Variants in EFCAB8 observed in about 807,000 individuals in gnomAD.
The protein encoded by EFCAB8 is EF-hand calcium binding domain 8, also known as EF-hand calcium-binding domain-containing protein 8.
A neutral mutation model predicts 116.3 loss-of-function variants in EFCAB8; 100 were observed. The observed-to-expected ratio is 0.86, with a 90% CI of 0.73 to 1.02. EFCAB8 has a LOEUF of 1.02. EFCAB8 is among the 50% of genes least tolerant of loss of function. The pLI is 0.00. For missense variants in EFCAB8, 1,320 were observed against 1,416.9 expected (o/e 0.93, Z 1.10); for synonymous variants, 558 against 567.9 (o/e 0.98, Z 0.25).
At chr20:32,865,304 C>T (rs1467445418) in intron 2 of EFCAB8, among the ~76,000 whole-genome samples, 1 of 82,480 alleles carries the variant, frequency 1.2e-5, no homozygotes, top group Non-Finnish European at 2.6e-5. Context: ...ATGGGTTGGA[C>T]TGTGTATGGG....
At chr20:32,870,595 C>T (rs1984636166) in intron 3 of EFCAB8, among the ~76,000 whole-genome samples, 1 of 151,940 alleles carries the variant, frequency 6.6e-6, no homozygotes, top group African/African-American at 2.4e-5. Flanking sequence ...AACTCCTGGG[C>T]TCAAGTGATC....
At chr20:32,928,186 A>G (rs914518218) in intron 20 of EFCAB8, among the ~76,000 whole-genome samples, 3 of 151,822 alleles carry the variant, frequency 2.0e-5, no homozygotes, top group African/African-American at 7.3e-5. Context: ...TTATTTTTGT[A>G]ATTTCCTTTT....
In EFCAB8 at chr20:32,911,622, C is replaced by G. The variant is rs1986926714; in HGVS notation, c.1700C>G (p.Thr567Arg). ...GATGAGTCAGAGCGGTGCCTGCTCACAGGTTTGCGGGATGGCACAATGAAG... is the reference window on the plus strand; with the variant it reads ...GATGAGTCAGAGCGGTGCCTGCTCAGAGGTTTGCGGGATGGCACAATGAAG... ...ALDESERCLL[T>R]GLRDGTMKMW... is the part of the protein sequence containing the mutation. Residue 567 changes from threonine to arginine, a missense_variant, in exon 16 of 27, where the codon ACA becomes AGA. Transcript: ENST00000400522. The G allele has an allele frequency of 6.4e-7, 1 of 1,551,702 alleles. No individual in the cohort carries two copies. The highest frequency in any genetic ancestry group is 1.2e-5 in the South Asian group (1 of 84,052).
In EFCAB8 at chr20:32,909,749, T is replaced by C. The variant is rs553046048; in HGVS notation, c.1447-72T>C. The C allele has an allele frequency of 6.5e-6, 5 of 770,070 alleles. No homozygotes were observed. In the African/African-American group the frequency reaches 7.3e-5, roughly 11 times the overall value. The allele number at this position is 770,070 out of a possible 1,614,324, so 47.7% of individuals were successfully genotyped here. On this transcript the variant is annotated intron_variant, in intron 14 of 26. Coordinates refer to ENST00000400522, the MANE Select transcript of EFCAB8 (RefSeq NM_001143967.2). ...TGATGTCGTGATTTATTGGAAGTTT[T>C]TCCCGGCAGCCCATCACTGTGAGCA...
At chr20:32,954,292 A>T (rs1168849041) in intron 23 of EFCAB8, among the ~76,000 whole-genome samples, 1 of 151,930 alleles carries the variant, frequency 6.6e-6, no homozygotes, top group Non-Finnish European at 1.5e-5. Flanking sequence ...ATTCATTTTG[A>T]GTTCATTTTT....
chr20:32,862,347 C>CA (rs1183018352), intron 1 of EFCAB8, among the ~76,000 whole-genome samples: 1 of 151,810 alleles, frequency 6.6e-6, no homozygotes, highest in East Asian at 1.9e-4. Flanking sequence ...AGGCTGGTCT[C>CA]AAACTCCTGG....
chr20:32,877,444 G>A (rs1168365192), intron 4 of EFCAB8, among the ~76,000 whole-genome samples: 1 of 151,946 alleles, frequency 6.6e-6, no homozygotes, highest in South Asian at 2.1e-4. Flanking sequence ...CCTGACCTCA[G>A]GTAATCCACC....
rs1413620008 is a variant in EFCAB8, at chr20:32,877,168, TTTC to T, written c.327+1132_327+1134del. Among the ~76,000 whole-genome samples the T allele has an allele frequency of 4.6e-5, 7 of 151,820 alleles. 1 individual carries two copies. In the South Asian group the frequency reaches 8.3e-4, roughly 18 times the overall value. On this transcript the variant is annotated intron_variant, in intron 4 of 26. Transcript: ENST00000400522. ...CTCAGCATAGGTATACATTCTGGGT[TTTC>T]TTCTTCTCAATTTTCTTGTTTTTAT...
chr20:32,920,027 G>A, intron 19 of EFCAB8, 51 bp from the exon 20 acceptor site: 1 of 1,551,140 alleles, frequency 6.4e-7, no homozygotes. Context: ...GGTCCCCTAT[G>A]GGGAAGGGAA....
At chr20:32,893,124 A>G (rs1240989859) in intron 8 of EFCAB8, 50 bp from the exon 9 acceptor site, 37 of 1,548,698 alleles carry the variant, frequency 2.4e-5, no homozygotes, top group Non-Finnish European at 3.1e-5. Flanking sequence ...TACAGGTGTG[A>G]GCCACCGCGC....
intron 17 of EFCAB8, among the ~76,000 whole-genome samples, chr20:32,913,551 T>C (rs771571300): frequency 6.6e-6 from 1 of 152,186 alleles, no homozygotes; most frequent in Non-Finnish European, 1.5e-5. Context: ...ATATATTCAT[T>C]TCATCCCAAT....
chr20:32,873,900 GCTT>G (rs1420506355), intron 3 of EFCAB8, among the ~76,000 whole-genome samples: 3 of 151,360 alleles, frequency 2.0e-5, no homozygotes, highest in African/African-American at 7.3e-5. Flanking sequence ...TTGTTCTGCT[GCTT>G]CTTTTCTTCG....
At chr20:32,935,006 A>G (rs1988048004) in intron 22 of EFCAB8, among the ~76,000 whole-genome samples, 4 of 151,976 alleles carry the variant, frequency 2.6e-5, no homozygotes, top group African/African-American at 9.7e-5. Context: ...CTTTTTGATA[A>G]CATCTAATCT....
Position 32,940,028 on chromosome 20 carries a change from CCTTCCTTCCTTCCTTCCTT to C in EFCAB8, c.2791-3606_2791-3588del, listed in dbSNP as rs1568942547. ...GCCTCCCTCCCTCCCTCCCTCCCTTCCTTCCTTCCTTCCTTCCTTCCTTCCTTCCTTCCTTCCTTCCTTC... is the reference window on the plus strand; with the variant it reads ...GCCTCCCTCCCTCCCTCCCTCCCTTCCCTTCCTTCCTTCCTTCCTTCCTTC... On this transcript the variant is annotated intron_variant, in intron 22 of 26. Transcript: ENST00000400522. Among the ~76,000 whole-genome samples, 15 of 62,702 alleles carry C rather than the reference CCTTCCTTCCTTCCTTCCTT, an allele frequency of 2.4e-4. 2 individuals carry two copies. The highest frequency in any genetic ancestry group is 7.4e-4 in the East Asian group (2 of 2,686). The allele number at this position is 62,702 out of a possible 152,430, so 41.1% of individuals were successfully genotyped here.
At chr20:32,910,031 A>G (rs1190649551) in intron 15 of EFCAB8, 100 bp downstream of exon 15, 1 of 525,250 alleles carries the variant, frequency 1.9e-6, no homozygotes, top group African/African-American at 2.0e-5. Context: ...GTCAGCTCCC[A>G]TGGCACATTG....
chr20:32,861,919 C>G (rs1984134313), intron 1 of EFCAB8, among the ~76,000 whole-genome samples: 1 of 151,626 alleles, frequency 6.6e-6, no homozygotes, highest in Non-Finnish European at 1.5e-5. Flanking sequence ...CAGAAATGAA[C>G]TTAACATTTT....
At chr20:32,890,347 G>T (rs886901300) in intron 7 of EFCAB8, among the ~76,000 whole-genome samples, 2 of 152,152 alleles carry the variant, frequency 1.3e-5, no homozygotes, top group Non-Finnish European at 2.9e-5. Flanking sequence ...ACTTCCTCCA[G>T]GAAGCCCTCC....
intron 23 of EFCAB8, among the ~76,000 whole-genome samples, chr20:32,944,501 G>T (rs147203216): frequency 1.4e-4 from 22 of 152,130 alleles, no homozygotes; most frequent in East Asian, 1.3e-3. Flanking sequence ...TGACTTATGT[G>T]CCACTATTAC....
intron 24 of EFCAB8, among the ~76,000 whole-genome samples, 173 bp from the exon 25 acceptor site, chr20:32,959,605 C>CA (rs1296594529): frequency 6.6e-6 from 1 of 152,078 alleles, no homozygotes; most frequent in Non-Finnish European, 1.5e-5. Flanking sequence ...CCAGGCTTTG[C>CA]AAATGTTAAT....
Sources: allele counts gnomAD v4.1 joint callset (sites outside exome capture counted in the v4.1 genomes callset), GRCh38; gene constraint gnomAD v4.1.1; transcripts MANE v1.5; gene names NCBI Gene and HGNC (gene_info 2026-07-23, HGNC 2026-07-21).